DOP1B: variants seen among roughly 807,000 people sequenced by gnomAD.
DOP1B encodes DOP1 leucine zipper like protein B.
DOP1B carries 174 observed loss-of-function variants against 233.5 expected under a neutral mutation model. The ratio of observed to expected loss-of-function variants is 0.75; its 90% confidence interval spans 0.66 to 0.85. The LOEUF (loss-of-function observed/expected upper bound fraction) is 0.85, where lower values mean the gene tolerates loss of function less well. DOP1B is among the 40% of genes least tolerant of loss of function. The pLI is 0.00. For synonymous variants in DOP1B, 1,190 were observed against 1,185.6 expected (o/e 1.00, Z -0.08); for missense variants, 2,652 against 2,846.6 (o/e 0.93, Z 1.56).
chr21:36,238,883 A>G (rs1316948533), intron 17 of DOP1B, among the ~76,000 whole-genome samples, 182 bp downstream of exon 17: 1 of 152,190 alleles, frequency 6.6e-6, no homozygotes, highest in African/African-American at 2.4e-5. Context: ...CGGGCAGATC[A>G]CTTGAGGCCT....
intron 23 of DOP1B, among the ~76,000 whole-genome samples, chr21:36,259,801 A>G (rs1008734266): frequency 6.6e-6 from 1 of 152,184 alleles, no homozygotes; most frequent in Non-Finnish European, 1.5e-5. Flanking sequence ...CTATAAAGGA[A>G]CCGGATTTTA....
chr21:36,233,810 G>A (rs1470712723), intron 15 of DOP1B, among the ~76,000 whole-genome samples: 2 of 152,016 alleles, frequency 1.3e-5, no homozygotes, highest in South Asian at 2.1e-4. Context: ...CACCATCTAC[G>A]GTGTCAGGTC....
intron 23 of DOP1B, among the ~76,000 whole-genome samples, chr21:36,258,020 G>T (rs1467723462): frequency 2.0e-5 from 3 of 151,730 alleles, no homozygotes; most frequent in African/African-American, 4.8e-5. Flanking sequence ...GATAGGTAGA[G>T]AGATAGATGT....
At chr21:36,164,595 T>G in intron 1 of DOP1B, 113 bp from the exon 2 acceptor site, 3 of 743,550 alleles carry the variant, frequency 4.0e-6, no homozygotes, top group Non-Finnish European at 6.0e-6. Context: ...GATTGCCCAG[T>G]GAGTTTGTGC....
chr21:36,206,847 A>G (rs917606526), intron 4 of DOP1B, among the ~76,000 whole-genome samples: 3 of 152,192 alleles, frequency 2.0e-5, no homozygotes, highest in South Asian at 2.1e-4. Context: ...CGCCCTGCCT[A>G]CTTCTTCTAT....
chr21:36,196,046 G>GC (rs1254027079), intron 2 of DOP1B, among the ~76,000 whole-genome samples: 2 of 152,238 alleles, frequency 1.3e-5, no homozygotes, highest in African/African-American at 4.8e-5. Context: ...ACTCAAAAGA[G>GC]CAGAAGAAAG....
intron 15 of DOP1B, 110 bp from the exon 16 acceptor site, chr21:36,237,152 A>T (rs2066837035): frequency 1.4e-6 from 2 of 1,393,310 alleles, no homozygotes; most frequent in Admixed American, 1.9e-5. Flanking sequence ...TCACATGGCA[A>T]GTATAGGTGA....
chr21:36,262,876 G>A (rs2067186622), intron 24 of DOP1B, among the ~76,000 whole-genome samples: 1 of 149,578 alleles, frequency 6.7e-6, no homozygotes, highest in South Asian at 2.1e-4. Flanking sequence ...GGGTGACAGA[G>A]CAAGACTCTA....
Position 36,288,752 on chromosome 21 carries a change from T to C in DOP1B, c.6298-4T>C, listed in dbSNP as rs752484734. 6.2e-7 allele frequency: 1 copy of C among 1,609,392 alleles called. No homozygotes were observed. The highest frequency in any genetic ancestry group is 8.5e-7 in the Non-Finnish European group (1 of 1,177,590). On this transcript the variant is annotated splice_polypyrimidine_tract_variant and splice_region_variant and intron_variant, in intron 33 of 36. Transcript: ENST00000691173. ...ATAGTAACTTGAATGCATTTTTTTT[T>C]CAGATTCAGACATTCACACAGCTTG... is the stretch of plus-strand genomic sequence containing the variant.
intron 10 of DOP1B, among the ~76,000 whole-genome samples, chr21:36,219,935 G>A (rs1420738438): frequency 6.6e-6 from 1 of 151,488 alleles, no homozygotes; most frequent in Non-Finnish European, 1.5e-5. Flanking sequence ...AGTCCAGGGG[G>A]TGTTGGGGGA....
intron 1 of DOP1B, among the ~76,000 whole-genome samples, chr21:36,160,125 T>TG (rs1281125388): frequency 7.4e-6 from 1 of 134,404 alleles, no homozygotes; most frequent in Non-Finnish European, 1.7e-5. Context: ...CTGAATTTTC[T>TG]GGAAAAAATA....
At chr21:36,287,579 C>CTTTTTTTTTTTT (rs869203517) in intron 32 of DOP1B, among the ~76,000 whole-genome samples, 2 of 73,124 alleles carry the variant, frequency 2.7e-5, no homozygotes, top group South Asian at 5.5e-4. Flanking sequence ...TCCTAACATT[C>CTTTTTTTTTTTT]TTTTTTTTTT....
intron 7 of DOP1B, 30 bp from the exon 8 acceptor site, chr21:36,214,051 C>A (rs765820822): frequency 5.8e-6 from 9 of 1,541,682 alleles, no homozygotes; most frequent in Non-Finnish European, 8.0e-6. Context: ...GCACAGCTCT[C>A]TTTACAGCTC....
At chr21:36,166,280 C>T (rs908108041) in intron 2 of DOP1B, among the ~76,000 whole-genome samples, 2 of 151,466 alleles carry the variant, frequency 1.3e-5, no homozygotes, top group Non-Finnish European at 2.9e-5. Context: ...ACTAAAAATA[C>T]AAAAAAATTA....
At chr21:36,283,936 CTTTTTTTTTTTTTT>C (rs547999186) in intron 32 of DOP1B, among the ~76,000 whole-genome samples, 6 of 100,992 alleles carry the variant, frequency 5.9e-5, no homozygotes, top group Admixed American at 3.4e-4. Flanking sequence ...ACACCTGTTC[CTTTTTTTTTTTTTT>C]TTTTTTTTTT....
chr21:36,169,744 A>G (rs370068265), intron 2 of DOP1B: 23 of 1,171,748 alleles, frequency 2.0e-5, no homozygotes, highest in East Asian at 1.4e-4. Context: ...AGTCTTCTCC[A>G]GCTGCTTCTT....
intron 11 of DOP1B, 124 bp from the exon 12 acceptor site, chr21:36,225,441 G>A: frequency 9.5e-7 from 1 of 1,049,120 alleles, no homozygotes; most frequent in Non-Finnish European, 1.4e-6. Flanking sequence ...ATGTTGCCCA[G>A]GCTGGTCTCA....
Position 36,245,391 on chromosome 21 carries a change from G to A in DOP1B, c.3411G>A (p.Glu1137=). 6.2e-7 allele frequency: 1 copy of A among 1,614,066 alleles called. No homozygotes were observed. The change falls in exon 19 of 37, where the codon GAG becomes GAA. Residue 1137 remains glutamate, a synonymous_variant. Coordinates refer to ENST00000691173, the MANE Select transcript of DOP1B (RefSeq NM_001320714.2). The surrounding 1 kb of genome is among the most constrained non-coding windows in gnomAD (Gnocchi z 5.5). ...SFSSPSHDLQ[E]LSNEENCCAP... ...CCTCCCCTTCCCACGACCTGCAGGA[G>A]CTGAGCAACGAAGAGAACTGCTGTG... is the stretch of plus-strand genomic sequence containing the variant.
chr21:36,183,795 C>T (rs943784029), intron 2 of DOP1B, among the ~76,000 whole-genome samples: 1 of 151,968 alleles, frequency 6.6e-6, no homozygotes, highest in East Asian at 1.9e-4. Context: ...GAGGAGTCAG[C>T]TTTGGGCTTG....
Sources: gnomAD v4.1 joint callset for allele counts (sites outside exome capture counted in the v4.1 genomes callset) on GRCh38, gnomAD v4.1.1 for gene constraint, Gnocchi (gnomAD v3.1) non-coding constraint, MANE v1.5 for transcripts, NCBI Gene and HGNC (gene_info 2026-07-23, HGNC 2026-07-21) for gene names.